PLEKHG1: variants seen among roughly 807,000 people sequenced by gnomAD.
PLEKHG1 encodes the protein pleckstrin homology and RhoGEF domain containing G1.
Under a neutral mutation model 100.8 loss-of-function variants are expected in PLEKHG1, and 44 were observed. The observed-to-expected ratio is 0.44, with a 90% confidence interval of 0.34 to 0.56. The LOEUF (loss-of-function observed/expected upper bound fraction) is 0.56, where lower values mean the gene tolerates loss of function less well. Among genes scored for constraint, PLEKHG1 ranks in the 20% least tolerant of loss-of-function variants. PLEKHG1 has a pLI of 0.01. For synonymous variants in PLEKHG1, 640 were observed against 662.5 expected, an observed-to-expected ratio of 0.97 and a Z score of 0.52; for missense variants, 1,545 against 1,720.9, an observed-to-expected ratio of 0.90 and a Z score of 1.81.
At chr6:150,778,121 G>A (rs1285651996) in intron 3 of PLEKHG1, among the ~76,000 whole-genome samples, 1 of 152,134 alleles carries the variant, frequency 6.6e-6, no homozygotes, top group African/African-American at 2.4e-5. Flanking sequence ...ATTCTATCCT[G>A]GTTTGCAATT....
rs572547142 is a variant in PLEKHG1 at position 150,829,578 on chromosome 6, A to G, written c.1471-1004A>G. ...GGTTGCAGTGAGCCAAGATCATGCC[A>G]AGGGACCCAGGCTGCATTCCAGCCT... is the stretch of plus-strand genomic sequence containing the variant. On this transcript the variant is annotated intron_variant, in intron 14 of 15. Transcript: ENST00000358517. Among the ~76,000 whole-genome samples, 136 of 152,324 alleles carry G rather than the reference A, an allele frequency of 8.9e-4. 1 individual carries two copies. The highest frequency in any genetic ancestry group is 3.1e-3 in the African/African-American group (129 of 41,568).
intron 2 of PLEKHG1, among the ~76,000 whole-genome samples, chr6:150,754,296 T>C (rs1783693105): frequency 6.6e-6 from 1 of 151,950 alleles, no homozygotes; most frequent in Admixed American, 6.6e-5. Flanking sequence ...GTGCCTGTGT[T>C]GGTAGAGGTG....
chr6:150,695,178 A>G (rs1780496892), intron 3 of PLEKHG1, among the ~76,000 whole-genome samples: 1 of 152,156 alleles, frequency 6.6e-6, no homozygotes, highest in Non-Finnish European at 1.5e-5. Flanking sequence ...AAAGAACAAT[A>G]TTTGTCCTAC....
chr6:150,835,452 A>G lies in PLEKHG1; in HGVS notation c.3094+3247A>G, dbSNP rs147165588. On this transcript the variant is annotated intron_variant, in intron 15 of 15. Transcript: ENST00000358517. Reference sequence around the variant, plus strand: ...CTGGAGGATTAAAATGTTGTTTGATATTTCCCTTGGCAAACATTATTCTAA... The same window carrying G: ...CTGGAGGATTAAAATGTTGTTTGATGTTTCCCTTGGCAAACATTATTCTAA... 1.1e-4 allele frequency among the ~76,000 whole-genome samples: 16 copies of G among 152,268 alleles called. No homozygotes were observed. The East Asian group carries it at 3.1e-3, about 29-fold the overall frequency.
At chr6:150,704,652 G>A (rs1780932802) in intron 3 of PLEKHG1, among the ~76,000 whole-genome samples, 1 of 152,242 alleles carries the variant, frequency 6.6e-6, no homozygotes. Flanking sequence ...CTGATGTTGT[G>A]CTCTTGGGCA....
At chr6:150,817,659 G>A (rs1776053131) in intron 10 of PLEKHG1, among the ~76,000 whole-genome samples, 2 of 150,642 alleles carry the variant, frequency 1.3e-5, no homozygotes, top group Admixed American at 6.7e-5. Context: ...CTGGGTTCAA[G>A]CGATTCTCCT....
At chr6:150,749,210 A>T (rs17080238) in intron 2 of PLEKHG1, among the ~76,000 whole-genome samples, 10,180 of 152,254 alleles carry the variant, frequency 0.067, 468 homozygotes, top group Admixed American at 0.14. Flanking sequence ...AGTGCCTCCT[A>T]CGTGCCAGTT....
At chr6:150,833,215 T>G (rs1025167733) in intron 15 of PLEKHG1, among the ~76,000 whole-genome samples, 13 of 151,440 alleles carry the variant, frequency 8.6e-5, no homozygotes, top group Admixed American at 2.0e-4. Context: ...GCTAATTTTT[T>G]TGTGTGTGTG....
At chr6:150,811,078 C>G (rs1583177848) in intron 10 of PLEKHG1, among the ~76,000 whole-genome samples, 1 of 151,976 alleles carries the variant, frequency 6.6e-6, no homozygotes, top group East Asian at 1.9e-4. Context: ...TGAGGGTGCT[C>G]GGGAGACAAG....
chr6:150,765,967 C>T (rs1024002838), intron 2 of PLEKHG1, among the ~76,000 whole-genome samples: 1 of 152,180 alleles, frequency 6.6e-6, no homozygotes, highest in African/African-American at 2.4e-5. Context: ...CAAGTCAGAT[C>T]TACTTGGATA....
chr6:150,685,907 A>G (rs941426948), intron 3 of PLEKHG1, among the ~76,000 whole-genome samples: 3 of 152,232 alleles, frequency 2.0e-5, no homozygotes, highest in South Asian at 2.1e-4. Flanking sequence ...TAAAAGTCAT[A>G]ACAACAGTAA....
intron 1 of PLEKHG1, among the ~76,000 whole-genome samples, chr6:150,622,594 C>G (rs1341796660): frequency 6.6e-6 from 1 of 152,176 alleles, no homozygotes. Flanking sequence ...GCCATTTCCA[C>G]CCCTCACCAG....
chr6:150,637,280 T>G (rs1357576641), intron 1 of PLEKHG1, among the ~76,000 whole-genome samples: 1 of 151,556 alleles, frequency 6.6e-6, no homozygotes, highest in Non-Finnish European at 1.5e-5. Flanking sequence ...GTCATGAAAT[T>G]TTGCCACTTG....
At chr6:150,677,989 A>G (rs914378990) in intron 3 of PLEKHG1, among the ~76,000 whole-genome samples, 35 of 149,412 alleles carry the variant, frequency 2.3e-4, no homozygotes, top group Non-Finnish European at 4.1e-4. Context: ...TTTTTGTAGC[A>G]AAGTGTTTTT....
chr6:150,679,856 C>T (rs184141679), intron 3 of PLEKHG1, among the ~76,000 whole-genome samples: 4 of 152,224 alleles, frequency 2.6e-5, no homozygotes, highest in East Asian at 1.9e-4. Flanking sequence ...AGGAGGTGAT[C>T]GCCATGCTGA....
chr6:150,627,889 A>C (rs900644939), intron 1 of PLEKHG1, among the ~76,000 whole-genome samples: 1 of 152,236 alleles, frequency 6.6e-6, no homozygotes, highest in Non-Finnish European at 1.5e-5. Flanking sequence ...CATAGATAAT[A>C]ATAAACAACT....
At chr6:150,800,046 C>CCAAAAG (rs1168842114) in intron 5 of PLEKHG1, among the ~76,000 whole-genome samples, 1 of 152,200 alleles carries the variant, frequency 6.6e-6, no homozygotes, top group Non-Finnish European at 1.5e-5. Flanking sequence ...ACACCCTCAT[C>CCAAAAG]TGAGGCGCAC....
rs755217024 is a variant in PLEKHG1, at chr6:150,831,817, C to G, written c.2706C>G (p.Pro902=). ...CTGAGAGCCAGGCTCTCCTCACGCC[C>G]GTGAAGAGCAGGGCTGGCAGAGCCA... Residue 902 remains proline, a synonymous_variant, in exon 15 of 16, where the codon CCC becomes CCG. Coordinates refer to ENST00000358517, the Ensembl canonical transcript of PLEKHG1. This position sits in a 1 kb window ranked among gnomAD's most constrained non-coding sequence, Gnocchi z 4.1. 1 of 1,612,226 alleles carries G rather than the reference C, an allele frequency of 6.2e-7. No homozygotes were observed. Among genetic ancestry groups the G allele is most frequent in the Non-Finnish European group, 8.5e-7 (1 of 1,178,828 alleles).
At chr6:150,673,692 A>C (rs1582922552) in intron 3 of PLEKHG1, among the ~76,000 whole-genome samples, 1 of 135,172 alleles carries the variant, frequency 7.4e-6, no homozygotes, top group Non-Finnish European at 1.6e-5. Context: ...TCAGGGTCTT[A>C]CTCTGTCACC....
Sources: allele counts gnomAD v4.1 joint callset (sites outside exome capture counted in the v4.1 genomes callset), GRCh38; gene constraint gnomAD v4.1.1; non-coding constraint Gnocchi (gnomAD v3.1); transcripts MANE v1.5; gene names NCBI Gene and HGNC (gene_info 2026-07-23, HGNC 2026-07-21).